The following PRDM10 variants were observed in gnomAD, a reference collection of about 807,000 sequenced individuals.
PRDM10 encodes PR/SET domain 10, also known as PR domain zinc finger protein 10.
A neutral mutation model predicts 133.1 loss-of-function variants in PRDM10; 65 were observed. The observed-to-expected ratio is 0.49, with a 90% CI of 0.40 to 0.60. The LOEUF is 0.60. PRDM10 is among the 20% of genes least tolerant of loss of function. PRDM10 has a pLI of 0.00. For synonymous variants in PRDM10, 582 were observed against 580.4 expected (o/e 1.00, Z -0.04); for missense variants, 1,137 against 1,507.1 (o/e 0.75, Z 4.07).
chr11:129,991,436 C>A (rs1016697224), intron 1 of PRDM10, among the ~76,000 whole-genome samples: 4 of 152,170 alleles, frequency 2.6e-5, no homozygotes, highest in Non-Finnish European at 5.9e-5. Context: ...GTAATCCCCG[C>A]ACTTTGGGAG....
At chr11:129,943,595 C>T (rs1951285998) in intron 6 of PRDM10, among the ~76,000 whole-genome samples, 1 of 152,140 alleles carries the variant, frequency 6.6e-6, no homozygotes, top group African/African-American at 2.4e-5. Context: ...AGAGGTGGCT[C>T]ATGCCTGTAA....
chr11:129,952,297 T>C (rs1951600839), intron 4 of PRDM10, among the ~76,000 whole-genome samples: 1 of 152,174 alleles, frequency 6.6e-6, no homozygotes, highest in Admixed American at 6.5e-5. Flanking sequence ...TTGGCAAAAT[T>C]TGAAAAGAAT....
Position 129,914,782 on chromosome 11 carries a change from C to T in PRDM10, c.2763G>A (p.Gln921=). The part of the protein sequence containing the change: ...RTPQGDYQRI[Q]YIPVSQSASG... ...ACGCCGACTGCGACACAGGGATGTA[C>T]TGAATTCTCTGGTAATCCCCTTGTG... The change falls in exon 17 of 21, where the codon CAG becomes CAA. Residue 921 remains glutamine (Q), a synonymous_variant. Transcript: ENST00000360871. The T allele has an allele frequency of 6.2e-7, 1 of 1,614,232 alleles. No homozygotes were observed. The highest frequency in any genetic ancestry group is 1.1e-5 in the South Asian group (1 of 91,084).
intron 1 of PRDM10, among the ~76,000 whole-genome samples, chr11:129,982,579 A>C (rs1938176758): frequency 6.6e-6 from 1 of 152,212 alleles, no homozygotes; most frequent in Non-Finnish European, 1.5e-5. Flanking sequence ...AAATTTGAGT[A>C]ACTTTACATC....
At position 129,945,151 on chromosome 11, in the gene PRDM10, C is replaced by T. The variant is rs1951364640; in HGVS notation, c.521-139G>A. The T allele has an allele frequency of 2.9e-5, 29 of 1,014,538 alleles. No individual in the cohort carries two copies. Among genetic ancestry groups the T allele is most frequent in the Non-Finnish European group, 4.1e-5 (28 of 683,544 alleles). The allele number at this position is 1,014,538 out of a possible 1,614,324, so 62.8% of individuals were successfully genotyped here. ...TGAACTCCTAATGGCGCTACCCATT[C>T]AACGGTAATACATTCTCTCTGGGAG... On this transcript the variant is annotated intron_variant, in intron 5 of 20. Transcript: ENST00000360871. The surrounding 1 kb of genome is among the most constrained non-coding windows in gnomAD (Gnocchi z 4.2).
At chr11:129,928,247 T>A (rs1950744618) in intron 11 of PRDM10, among the ~76,000 whole-genome samples, 1 of 151,134 alleles carries the variant, frequency 6.6e-6, no homozygotes, top group East Asian at 2.0e-4. Context: ...CTGGGACTTA[T>A]AAGTACATGC....
chr11:129,911,961 AT>A (rs1950197526), intron 18 of PRDM10, 123 bp downstream of exon 18: 2 of 1,271,440 alleles, frequency 1.6e-6, no homozygotes, highest in South Asian at 4.3e-5. Flanking sequence ...AGATCCTTTA[AT>A]AAAAATCCAA....
At chr11:129,973,173 T>A (rs1219660273) in intron 1 of PRDM10, among the ~76,000 whole-genome samples, 2 of 152,082 alleles carry the variant, frequency 1.3e-5, no homozygotes, top group African/African-American at 4.8e-5. Flanking sequence ...AAAGAAAAGC[T>A]TGATGCAGAG....
At chr11:129,907,375 T>C (rs1950046976) in intron 19 of PRDM10, among the ~76,000 whole-genome samples, 1 of 152,188 alleles carries the variant, frequency 6.6e-6, no homozygotes, top group Admixed American at 6.5e-5. Context: ...AATTGCAATG[T>C]ATGGCCCTTA....
intron 18 of PRDM10, among the ~76,000 whole-genome samples, 174 bp from the exon 19 acceptor site, chr11:129,910,830 G>A (rs1950167583): frequency 6.6e-6 from 1 of 152,110 alleles, no homozygotes; most frequent in Non-Finnish European, 1.5e-5. Context: ...AGGCTGGAGT[G>A]CAACGGCATG....
chr11:129,946,717 C>T (rs758336665), intron 5 of PRDM10, among the ~76,000 whole-genome samples: 5 of 152,104 alleles, frequency 3.3e-5, no homozygotes, highest in African/African-American at 7.2e-5. Context: ...GGCACTCACG[C>T]CTGGGATAGA....
In PRDM10 at chr11:129,947,017, G is replaced by A. The variant is rs555394507; in HGVS notation, c.520+128C>T. The A allele has an allele frequency of 9.3e-6, 12 of 1,289,140 alleles. No homozygotes were observed. In the East Asian group the frequency reaches 2.3e-4, roughly 25 times the overall value. The allele number at this position is 1,289,140 out of a possible 1,614,324, so 79.9% of individuals were successfully genotyped here. On this transcript the variant is annotated intron_variant, in intron 5 of 20. Coordinates refer to ENST00000360871, the MANE Select transcript of PRDM10 (RefSeq NM_199437.2). This position sits in a 1 kb window ranked among gnomAD's most constrained non-coding sequence, Gnocchi z 4.6. ...GGCCAGGTGGGATGAAGCAAGCAGA[G>A]AATGTAGCACAGTTGGCTGCACACG...
intron 1 of PRDM10, among the ~76,000 whole-genome samples, chr11:129,962,129 A>G (rs1198988482): frequency 5.9e-5 from 9 of 152,208 alleles, no homozygotes; most frequent in African/African-American, 2.2e-4. Context: ...GCGGCCAAAT[A>G]AAAAGCCTTA....
In PRDM10 at chr11:129,902,356, G is replaced by T. The variant is rs774215270; in HGVS notation, c.3428C>A (p.Thr1143Asn). 24 of 1,613,504 alleles carry T rather than the reference G, an allele frequency of 1.5e-5. No individual in the cohort carries two copies. Among genetic ancestry groups the T allele is most frequent in the Non-Finnish European group, 1.9e-5 (22 of 1,179,620 alleles). Residue 1143 changes from threonine (T) to asparagine (N), a missense_variant, in exon 21 of 21, where the codon ACC becomes AAC. By Grantham distance (65) the Thr-to-Asn change is moderately conservative (BLOSUM62 0). Transcript: ENST00000360871. Reference sequence around the variant, plus strand: ...CACTTCGCTGCTTCCGTTCCCGTTGGTGGTGGTGGTGATGATGTACTGTGT... The same window carrying T: ...CACTTCGCTGCTTCCGTTCCCGTTGTTGGTGGTGGTGATGATGTACTGTGT... ...QTTQYIITTT[T>N]NGNGSSEVHI...
Position 129,979,630 on chromosome 11 carries a change from G to A in PRDM10, c.-118-18548C>T, listed in dbSNP as rs558778903. 4.1e-4 allele frequency among the ~76,000 whole-genome samples: 63 copies of A among 152,302 alleles called. 1 individual carries two copies. The South Asian group carries it at 0.013, about 31-fold the overall frequency. On this transcript the variant is annotated intron_variant, in intron 1 of 20. Coordinates refer to ENST00000360871, the MANE Select transcript of PRDM10 (RefSeq NM_199437.2). Reference sequence around the variant, plus strand: ...CCGCTCTTCTATCCCACTGTGTTTTGACTTGTTTTTTTGACCAGCACAGTC... The same window carrying A: ...CCGCTCTTCTATCCCACTGTGTTTTAACTTGTTTTTTTGACCAGCACAGTC...
rs768723753 is a variant in PRDM10 at position 129,923,966 on chromosome 11, C to T, written c.1879-563G>A. On this transcript the variant is annotated intron_variant, in intron 12 of 20. Transcript: ENST00000360871. This position sits in a 1 kb window ranked among gnomAD's most constrained non-coding sequence, Gnocchi z 4.4. ...TTACCGGTTTGTGAGAGCAATATGA[C>T]GCTGGCGTCACTTCTCAACTGGGAC... Among the ~76,000 whole-genome samples, 15 of 152,342 alleles carry T rather than the reference C, an allele frequency of 9.8e-5. No homozygotes were observed. Among genetic ancestry groups the T allele is most frequent in the Admixed American group, 3.3e-4 (5 of 15,306 alleles).
At chr11:129,995,838 T>C (rs534856738) in intron 1 of PRDM10, among the ~76,000 whole-genome samples, 167 of 151,816 alleles carry the variant, frequency 1.1e-3, no homozygotes, top group South Asian at 2.1e-3. Context: ...CCCAGCTACT[T>C]GGGGGGCTGA....
chr11:129,971,824 G>C (rs375907554), intron 1 of PRDM10, among the ~76,000 whole-genome samples: 2 of 152,240 alleles, frequency 1.3e-5, no homozygotes, highest in African/African-American at 4.8e-5. Flanking sequence ...GTCCCGTGCC[G>C]TGCGCTCGCA....
Position 129,912,217 on chromosome 11 carries a change from G to A in PRDM10, c.2850C>T (p.Ser950=), listed in dbSNP as rs747770949. The change falls in exon 18 of 21, where the codon TCC becomes TCT. Residue 950 remains serine (S), a synonymous_variant. Coordinates refer to ENST00000360871, the MANE Select transcript of PRDM10 (RefSeq NM_199437.2). ...LQVVQVASAT[S]PHQSQQSTVD... ...CAGTGGACTGCTGTGACTGGTGAGG[G>A]GAAGTGGCCTGGAAGGAGAAAAAAC... 3 of 1,587,050 alleles carry A rather than the reference G, an allele frequency of 1.9e-6. No homozygotes were observed. Among genetic ancestry groups the A allele is most frequent in the African/African-American group, 2.7e-5 (2 of 73,866 alleles).
Sources: allele counts gnomAD v4.1 joint callset (sites outside exome capture counted in the v4.1 genomes callset), GRCh38; gene constraint gnomAD v4.1.1; non-coding constraint Gnocchi (gnomAD v3.1); transcripts MANE v1.5; gene names NCBI Gene and HGNC (gene_info 2026-07-23, HGNC 2026-07-21).